The following NLRP5 variants were observed in gnomAD, a reference collection of about 807,000 sequenced individuals.
NLRP5 encodes the protein NACHT, LRR and PYD domains-containing protein 5.
Under a neutral mutation model 113.1 loss-of-function variants are expected in NLRP5, and 93 were observed. The observed-to-expected ratio is 0.82, with a 90% confidence interval of 0.70 to 0.98. The LOEUF (loss-of-function observed/expected upper bound fraction) is 0.98, where lower values mean the gene tolerates loss of function less well. Among genes scored for constraint, NLRP5 ranks in the 50% least tolerant of loss-of-function variants. The pLI is 0.00. For missense variants in NLRP5, 1,808 were observed against 1,514.3 expected (o/e 1.19, Z -3.22); for synonymous variants, 751 against 600.7 (o/e 1.25, Z -3.66).
rs866622647 is a variant in NLRP5, at chr19:56,055,632, G to A, written c.3299+1824G>A. Among the ~76,000 whole-genome samples the A allele has an allele frequency of 6.1e-5, 8 of 130,266 alleles. No individual in the cohort carries two copies. In the East Asian group the frequency reaches 1.0e-3, roughly 17 times the overall value. 85.5% of individuals were successfully genotyped at this position (130,266 alleles called of 152,430 possible). ...GCGATCTCAGCTCACTGCAAGCTCC[G>A]CCTCCCAGGTTCACCCCATTCTCCT... On this transcript the variant is annotated intron_variant, in intron 13 of 14. Transcript: ENST00000390649.
At chr19:56,010,418 C>T (rs117497647) in intron 3 of NLRP5, among the ~76,000 whole-genome samples, 3,226 of 152,170 alleles carry the variant, frequency 0.021, 58 homozygotes, top group Non-Finnish European at 0.034. Flanking sequence ...CACAGGCCTT[C>T]GTCGTTGCTC....
At chr19:56,043,799 G>T (rs892811241) in intron 11 of NLRP5, among the ~76,000 whole-genome samples, 1 of 151,464 alleles carries the variant, frequency 6.6e-6, no homozygotes, top group African/African-American at 2.4e-5. Context: ...GGATGGTCTC[G>T]ATCTCCTGAC....
In NLRP5 at chr19:56,058,404, T is replaced by A. The variant is rs908333485; in HGVS notation, c.3464T>A (p.Ile1155Lys). ...GCCTGTCCCACGTCTAACTTACAGA[T>A]AATTGGGTAAGTCGCCAGCAATTGT... The change falls in exon 14 of 15, where the codon ATA (isoleucine) becomes AAA (lysine). Residue 1155 changes from isoleucine (I) to lysine (K), a missense_variant. Physicochemically the swap from Ile to Lys is moderately radical, Grantham distance 102 (BLOSUM62 -3). Transcript: ENST00000390649. The A allele has an allele frequency of 6.2e-7, 1 of 1,611,760 alleles. No homozygotes were observed.
chr19:56,010,638 A>T (rs1982146106), intron 3 of NLRP5, among the ~76,000 whole-genome samples: 1 of 151,050 alleles, frequency 6.6e-6, no homozygotes, highest in South Asian at 2.1e-4. Flanking sequence ...CCGTAATCCT[A>T]GCTACTCAAG....
rs557847166 is a variant in NLRP5, at chr19:56,037,131, C to T, written c.2616-894C>T. On this transcript the variant is annotated intron_variant, in intron 9 of 14. Transcript: ENST00000390649. ...TGAGTTGCAGAGATGCTAAGCTATT[C>T]GGTTAACAGGGAATTAAGTGATGTG... Among the ~76,000 whole-genome samples, 158 of 152,208 alleles carry T rather than the reference C, an allele frequency of 1.0e-3. 4 individuals carry two copies. In the South Asian group the frequency reaches 0.03, roughly 29 times the overall value.
At position 56,003,741 on chromosome 19, in the gene NLRP5, A is replaced by C; in HGVS notation, c.88A>C (p.Thr30Pro). 1.2e-6 allele frequency: 2 copies of C among 1,611,438 alleles called. No homozygotes were observed. The highest frequency in any genetic ancestry group is 2.2e-5 in the South Asian group (2 of 90,652). Residue 30 changes from threonine (T) to proline (P), a missense_variant, in exon 2 of 15, where the codon ACT becomes CCT. Transcript: ENST00000390649. ...TCTTGTCACTCTTTCCACAGGTCCTACTTGCTCTATATTACCAAAGAATCC... is the reference window on the plus strand; with the variant it reads ...TCTTGTCACTCTTTCCACAGGTCCTCCTTGCTCTATATTACCAAAGAATCC...
upstream of NLRP5, among the ~76,000 whole-genome samples, chr19:55,996,724 C>T (rs1200287149): frequency 6.6e-6 from 1 of 152,122 alleles, no homozygotes; most frequent in South Asian, 2.1e-4. Flanking sequence ...TTTTCTTAAT[C>T]CAGTCTATCA....
intron 7 of NLRP5, among the ~76,000 whole-genome samples, chr19:56,032,300 G>T (rs1254026779): frequency 6.6e-6 from 1 of 151,394 alleles, no homozygotes; most frequent in East Asian, 1.9e-4. Flanking sequence ...AGCCGAGATT[G>T]CGCCACTGCG....
intron 12 of NLRP5, among the ~76,000 whole-genome samples, chr19:56,051,400 C>T (rs1170258242): frequency 6.6e-6 from 1 of 152,138 alleles, no homozygotes; most frequent in African/African-American, 2.4e-5. Flanking sequence ...ACCATGTCGG[C>T]CAGGCTGGTC....
intron 6 of NLRP5, 99 bp downstream of exon 6, chr19:56,020,530 G>T (rs1282492371): frequency 7.3e-7 from 1 of 1,363,944 alleles, no homozygotes; most frequent in East Asian, 2.3e-5. Context: ...AGTTTAGATT[G>T]CCTTTCTTCA....
chr19:56,043,542 C>CTTTTTTTTTTTTTTTTTTT (rs369622191), intron 11 of NLRP5, among the ~76,000 whole-genome samples: 3 of 92,918 alleles, frequency 3.2e-5, no homozygotes, highest in African/African-American at 1.1e-4. Context: ...CTCTGCTATT[C>CTTTTTTTTTTTTTTTTTTT]TTTTTTTTTT....
chr19:56,017,022 T>C (rs539411257), intron 4 of NLRP5, among the ~76,000 whole-genome samples: 25 of 152,244 alleles, frequency 1.6e-4, no homozygotes, highest in African/African-American at 6.0e-4. Context: ...TTAGGCAGGA[T>C]GGTCTCAGTC....
At chr19:56,015,258 T>C (rs1568486152) in intron 3 of NLRP5, among the ~76,000 whole-genome samples, 1 of 152,164 alleles carries the variant, frequency 6.6e-6, no homozygotes, top group Non-Finnish European at 1.5e-5. Context: ...TGGAGTGGTG[T>C]GATGTCGGCT....
chr19:56,046,529 G>T (rs1175936880), intron 11 of NLRP5, among the ~76,000 whole-genome samples: 3 of 150,456 alleles, frequency 2.0e-5, no homozygotes, highest in Non-Finnish European at 4.4e-5. Context: ...GTGTCGAAAG[G>T]ATTGGTACCA....
chr19:56,029,077 C>G (rs1202548165), intron 7 of NLRP5, among the ~76,000 whole-genome samples: 1 of 151,708 alleles, frequency 6.6e-6, no homozygotes, highest in Non-Finnish European at 1.5e-5. Context: ...TGTGACCGCT[C>G]AGGTTTGTGG....
intron 11 of NLRP5, among the ~76,000 whole-genome samples, chr19:56,047,273 G>A (rs1428411552): frequency 6.6e-6 from 1 of 151,936 alleles, no homozygotes; most frequent in Non-Finnish European, 1.5e-5. Flanking sequence ...CCTTTCTTCT[G>A]CTGGGTTTGG....
rs1982948795 is a variant in NLRP5 at position 56,028,137 on chromosome 19, G to A, written c.1904G>A (p.Arg635His). The A allele has an allele frequency of 3.1e-6, 5 of 1,614,000 alleles. No individual in the cohort carries two copies. The highest frequency in any genetic ancestry group is 3.4e-6 in the Non-Finnish European group (4 of 1,179,894). The change falls in exon 7 of 15, where the codon CGT becomes CAT. Residue 635 changes from arginine (R) to histidine (H), a missense_variant. Physicochemically the swap from Arg to His is conservative, Grantham distance 29 (BLOSUM62 0). Transcript: ENST00000390649. ...CATATCCACTCGCTTTGGATGAAGC[G>A]TTTCTTGTTTGGCCTCGTGAGCGAA... is the stretch of plus-strand genomic sequence containing the variant.
Position 56,027,673 on chromosome 19 carries a change from C to A in NLRP5, c.1440C>A (p.Ala480=), listed in dbSNP as rs1336113966. ...CCGTGGGCTCTCTCATCTGCGTGGCCCTGCAGCTGCAGGACGTGGTGGGGG... is the reference window on the plus strand; with the variant it reads ...CCGTGGGCTCTCTCATCTGCGTGGCACTGCAGCTGCAGGACGTGGTGGGGG... The change falls in exon 7 of 15, where the codon GCC becomes GCA. Residue 480 remains alanine (A), a synonymous_variant. Coordinates refer to ENST00000390649, the MANE Select transcript of NLRP5 (RefSeq NM_153447.4). The A allele has an allele frequency of 6.2e-7, 1 of 1,613,346 alleles. No homozygotes were observed. Among genetic ancestry groups the A allele is most frequent in the Non-Finnish European group, 8.5e-7 (1 of 1,179,900 alleles).
At chr19:56,007,872 T>TGTGC (rs1439115985) in intron 2 of NLRP5, among the ~76,000 whole-genome samples, 5 of 108,606 alleles carry the variant, frequency 4.6e-5, no homozygotes, top group South Asian at 3.0e-4. Context: ...AGACAGTTTG[T>TGTGC]GTGTGTGTGT....
Sources: allele counts gnomAD v4.1 joint callset (sites outside exome capture counted in the v4.1 genomes callset), GRCh38; gene constraint gnomAD v4.1.1; transcripts MANE v1.5; gene names NCBI Gene and HGNC (gene_info 2026-07-23, HGNC 2026-07-21).